The following PCBP3 variants were observed in gnomAD, a reference collection of about 807,000 sequenced individuals.
PCBP3 encodes the protein poly(rC)-binding protein 3.
PCBP3 carries 25 observed loss-of-function variants against 52.7 expected under a neutral mutation model. The observed-to-expected ratio is 0.47, with a 90% CI of 0.35 to 0.66. The LOEUF is 0.66. Among genes scored for constraint, PCBP3 ranks in the 30% least tolerant of loss-of-function variants. The probability of loss-of-function intolerance (pLI) is 0.01; values close to 1 mark genes in which losing one functional copy is unlikely to be tolerated. For synonymous variants in PCBP3, 162 were observed against 183.0 expected, an observed-to-expected ratio of 0.89 and a Z score of 0.93; for missense variants, 391 against 490.3, an observed-to-expected ratio of 0.80 and a Z score of 1.91.
At chr21:45,923,786 G>A (rs1384525751) in intron 13 of PCBP3, among the ~76,000 whole-genome samples, 2 of 152,068 alleles carry the variant, frequency 1.3e-5, no homozygotes, top group Admixed American at 1.3e-4. Flanking sequence ...ACAGTTGAGT[G>A]GATAGAAACA....
In PCBP3 at chr21:45,917,621, C is replaced by T. The variant is rs1430218204; in HGVS notation, c.709C>T (p.His237Tyr). 13 of 1,612,844 alleles carry T rather than the reference C, an allele frequency of 8.1e-6. No homozygotes were observed. Among genetic ancestry groups the T allele is most frequent in the Non-Finnish European group, 1.1e-5 (13 of 1,178,910 alleles). Residue 237 changes from histidine (H) to tyrosine (Y), a missense_variant, in exon 13 of 18, where the codon CAC (histidine) becomes TAC (tyrosine). Coordinates refer to ENST00000681687, the MANE Select transcript of PCBP3 (RefSeq NM_001384156.1). This position sits in a 1 kb window ranked among gnomAD's most constrained non-coding sequence, Gnocchi z 5.3. ...YTIQGQYAIP[H>Y]PDQLTKLHQL... ...AATCCAGGGACAGTATGCCATCCCT[C>T]ACCCGGATGTGAGTCTTCACTTTGT...
At chr21:45,742,452 CATT>C (rs1213546876) in intron 3 of PCBP3, among the ~76,000 whole-genome samples, 1 of 152,190 alleles carries the variant, frequency 6.6e-6, no homozygotes, top group Non-Finnish European at 1.5e-5. Context: ...AGCATTCTTG[CATT>C]ATTGAAGATA....
In PCBP3 at chr21:45,817,065, G is replaced by A. The variant is rs1020568332; in HGVS notation, c.-125-32896G>A. ...GTCTGTTGTTGCCTGAAATGCCGTTGTGTGGCACGTGACTATATATGCTAC... is the reference window on the plus strand; with the variant it reads ...GTCTGTTGTTGCCTGAAATGCCGTTATGTGGCACGTGACTATATATGCTAC... On this transcript the variant is annotated intron_variant, in intron 4 of 17. Coordinates refer to ENST00000681687, the MANE Select transcript of PCBP3 (RefSeq NM_001384156.1). This position sits in a 1 kb window ranked among gnomAD's most constrained non-coding sequence, Gnocchi z 4.3. Among the ~76,000 whole-genome samples the A allele has an allele frequency of 6.6e-6, 1 of 152,196 alleles. No individual in the cohort carries two copies. Among genetic ancestry groups the A allele is most frequent in the Non-Finnish European group, 1.5e-5 (1 of 68,044 alleles).
intron 4 of PCBP3, among the ~76,000 whole-genome samples, chr21:45,756,395 T>A (rs1449154464): frequency 1.3e-5 from 2 of 150,450 alleles, no homozygotes; most frequent in Non-Finnish European, 2.9e-5. Context: ...TTTTCAAAAT[T>A]GTTTTTCCTA....
intron 1 of PCBP3, among the ~76,000 whole-genome samples, chr21:45,650,725 G>A (rs1004990206): frequency 2.0e-5 from 3 of 152,142 alleles, no homozygotes; most frequent in Non-Finnish European, 4.4e-5. Context: ...AAATGTCATA[G>A]TTTTGGAAAG....
chr21:45,787,676 C>T (rs1247445852), intron 4 of PCBP3, among the ~76,000 whole-genome samples: 1 of 152,190 alleles, frequency 6.6e-6, no homozygotes, highest in East Asian at 1.9e-4. Flanking sequence ...GCCCACACAG[C>T]AGTGGGGGAC....
chr21:45,644,359 C>T (rs1603036786), intron 1 of PCBP3, among the ~76,000 whole-genome samples: 1 of 151,788 alleles, frequency 6.6e-6, no homozygotes, highest in Admixed American at 6.6e-5. Context: ...CCTCGGTGAC[C>T]CTGCGGAGAG....
chr21:45,799,306 C>T (rs1240813448), intron 4 of PCBP3, among the ~76,000 whole-genome samples: 1 of 152,122 alleles, frequency 6.6e-6, no homozygotes, highest in African/African-American at 2.4e-5. Flanking sequence ...GTACAGTAGT[C>T]CCCCTTTGTC....
chr21:45,806,309 A>C (rs916818998), intron 4 of PCBP3, among the ~76,000 whole-genome samples: 1 of 152,172 alleles, frequency 6.6e-6, no homozygotes, highest in African/African-American at 2.4e-5. Context: ...GGCTGCTGCC[A>C]GCTACCCCTC....
chr21:45,862,017 C>T (rs116945515), intron 5 of PCBP3, among the ~76,000 whole-genome samples: 7 of 152,264 alleles, frequency 4.6e-5, no homozygotes, highest in Admixed American at 1.3e-4. Context: ...CTGGAGGCCA[C>T]GAACGCTGTG....
chr21:45,812,672 G>A (rs1282950665), intron 4 of PCBP3, among the ~76,000 whole-genome samples: 4 of 152,214 alleles, frequency 2.6e-5, no homozygotes, highest in East Asian at 1.9e-4. Context: ...GATTACAGGC[G>A]TGAGCCACCA....
At chr21:45,900,647 G>A in intron 8 of PCBP3, 24 bp downstream of exon 8, 1 of 1,359,606 alleles carries the variant, frequency 7.4e-7, no homozygotes, top group Non-Finnish European at 1.1e-6. Context: ...GTCCCCACCT[G>A]TCCGCAGCCA....
intron 2 of PCBP3, among the ~76,000 whole-genome samples, chr21:45,689,457 A>G (rs1463370847): frequency 6.6e-6 from 1 of 152,128 alleles, no homozygotes; most frequent in Non-Finnish European, 1.5e-5. Context: ...TGGATTTATG[A>G]AAATCCGACA....
intron 5 of PCBP3, among the ~76,000 whole-genome samples, chr21:45,868,362 G>A (rs1228071088): frequency 1.3e-5 from 2 of 151,136 alleles, no homozygotes; most frequent in African/African-American, 2.4e-5. Context: ...CTGCGCCGCC[G>A]AATCTCAGCC....
intron 5 of PCBP3, among the ~76,000 whole-genome samples, chr21:45,870,188 G>T (rs2094942697): frequency 6.6e-6 from 1 of 150,758 alleles, no homozygotes; most frequent in Admixed American, 6.6e-5. Context: ...TATCTTCTGG[G>T]TTTTTCTTAG....
chr21:45,701,851 C>T (rs2083149714), intron 2 of PCBP3, among the ~76,000 whole-genome samples: 1 of 152,230 alleles, frequency 6.6e-6, no homozygotes, highest in Non-Finnish European at 1.5e-5. Context: ...TGAGCCACCT[C>T]ACCCAGCCCC....
At chr21:45,783,713 C>T (rs1287703647) in intron 4 of PCBP3, among the ~76,000 whole-genome samples, 1 of 152,170 alleles carries the variant, frequency 6.6e-6, no homozygotes, top group East Asian at 1.9e-4. Flanking sequence ...GCCCTGTGCT[C>T]TTGGGGCCAA....
chr21:45,899,565 A>G, intron 6 of PCBP3, 34 bp from the exon 7 acceptor site: 1 of 1,589,146 alleles, frequency 6.3e-7, no homozygotes, highest in Non-Finnish European at 8.6e-7. Context: ...CTGCTCTATG[A>G]CATCATCTTT....
intron 4 of PCBP3, among the ~76,000 whole-genome samples, chr21:45,838,275 A>T (rs2093631972): frequency 6.6e-6 from 1 of 152,096 alleles, no homozygotes; most frequent in African/African-American, 2.4e-5. Context: ...TCGCTTTCTG[A>T]TGTAACCACA....
Sources: gnomAD v4.1 joint callset for allele counts (sites outside exome capture counted in the v4.1 genomes callset) on GRCh38, gnomAD v4.1.1 for gene constraint, Gnocchi (gnomAD v3.1) non-coding constraint, MANE v1.5 for transcripts, NCBI Gene and HGNC (gene_info 2026-07-23, HGNC 2026-07-21) for gene names.